The following ATP8A2 variants were observed in gnomAD, a reference collection of about 807,000 sequenced individuals.
ATP8A2 encodes phospholipid-transporting ATPase IB.
ATP8A2 carries 100 observed loss-of-function variants against 165.6 expected under a neutral mutation model. That is an observed-to-expected ratio of 0.60 (90% confidence interval 0.51 to 0.71). ATP8A2 has a LOEUF of 0.71. Among genes scored for constraint, ATP8A2 ranks in the 30% least tolerant of loss-of-function variants. The pLI is 0.00. For synonymous variants in ATP8A2, 543 were observed against 548.8 expected (o/e 0.99, Z 0.15); for missense variants, 1,227 against 1,479.5 (o/e 0.83, Z 2.80).
At chr13:25,939,039 C>T (rs746839618) in intron 33 of ATP8A2, among the ~76,000 whole-genome samples, 6 of 151,958 alleles carry the variant, frequency 3.9e-5, no homozygotes, top group Non-Finnish European at 5.9e-5. Flanking sequence ...GATGGGGTTT[C>T]GCCATGTTGG....
chr13:25,850,774 C>T (rs1566201518), intron 30 of ATP8A2, among the ~76,000 whole-genome samples: 1 of 152,212 alleles, frequency 6.6e-6, no homozygotes, highest in South Asian at 2.1e-4. Context: ...ACTGGACAAT[C>T]GAATGGGGCT....
At chr13:25,476,531 C>G (rs908031106) in intron 2 of ATP8A2, among the ~76,000 whole-genome samples, 2 of 152,176 alleles carry the variant, frequency 1.3e-5, no homozygotes, top group Non-Finnish European at 2.9e-5. Flanking sequence ...CTCAAGTGAT[C>G]CATCTGCCCT....
chr13:25,480,452 C>T (rs1293316767), intron 2 of ATP8A2, among the ~76,000 whole-genome samples: 30 of 148,624 alleles, frequency 2.0e-4, no homozygotes, highest in Non-Finnish European at 3.0e-5. Flanking sequence ...GGCGGCTGGG[C>T]AGAGACGCTC....
In ATP8A2 at chr13:25,747,732, C is replaced by T. The variant is rs115445076; in HGVS notation, c.2385-21314C>T. Among the ~76,000 whole-genome samples the T allele has an allele frequency of 8.5e-3, 1,295 of 152,160 alleles. 22 individuals are homozygous for T. Among genetic ancestry groups the T allele is most frequent in the African/African-American group, 0.03 (1,245 of 41,492 alleles). ...ATTTCATTTAACCTTTAAAATCCCC[C>T]GAAGTATGGATCAGCTCCATTTTAC... On this transcript the variant is annotated intron_variant, in intron 25 of 36. Transcript: ENST00000381655.
intron 2 of ATP8A2, among the ~76,000 whole-genome samples, chr13:25,490,721 TTTTTG>T (rs1215648339): frequency 1.3e-4 from 1 of 7,602 alleles, no homozygotes; most frequent in Non-Finnish European, 5.1e-4. Flanking sequence ...CTAATTAGTT[TTTTTG>T]TTTTTTTTTT....
intron 33 of ATP8A2, among the ~76,000 whole-genome samples, chr13:25,895,915 C>T (rs1398628469): frequency 6.6e-6 from 1 of 150,986 alleles, no homozygotes; most frequent in African/African-American, 2.4e-5. Flanking sequence ...CCATTTGATT[C>T]TTCTCTCTCT....
chr13:25,497,836 C>T (rs1026918747), intron 2 of ATP8A2, among the ~76,000 whole-genome samples: 1 of 151,984 alleles, frequency 6.6e-6, no homozygotes, highest in African/African-American at 2.4e-5. Context: ...GGGGCAGGCA[C>T]CTGTAGTCCC....
intron 23 of ATP8A2, among the ~76,000 whole-genome samples, chr13:25,588,766 G>A (rs537888702): frequency 8.5e-5 from 13 of 152,284 alleles, no homozygotes; most frequent in African/African-American, 2.9e-4. Context: ...AGCACAAGTC[G>A]TCGCTAACCC....
At chr13:25,755,298 A>G (rs1329654791) in intron 25 of ATP8A2, among the ~76,000 whole-genome samples, 1 of 152,146 alleles carries the variant, frequency 6.6e-6, no homozygotes, top group African/African-American at 2.4e-5. Context: ...GGACAAAGCT[A>G]CAGAAAGGGA....
chr13:25,886,334 G>T (rs1953153361), intron 33 of ATP8A2, among the ~76,000 whole-genome samples: 1 of 152,176 alleles, frequency 6.6e-6, no homozygotes, highest in African/African-American at 2.4e-5. Context: ...CTTAACTCTT[G>T]TTCTGAAAGA....
At chr13:25,799,012 C>A (rs1950557928) in intron 27 of ATP8A2, among the ~76,000 whole-genome samples, 2 of 151,262 alleles carry the variant, frequency 1.3e-5, no homozygotes, top group Admixed American at 1.3e-4. Flanking sequence ...ATTGACAGAA[C>A]AAATTAACAG....
intron 35 of ATP8A2, among the ~76,000 whole-genome samples, chr13:25,972,831 C>T (rs921118099): frequency 2.0e-5 from 3 of 151,932 alleles, no homozygotes; most frequent in South Asian, 2.1e-4. Context: ...CAATATAAAC[C>T]GATGACGGCG....
intron 25 of ATP8A2, among the ~76,000 whole-genome samples, chr13:25,763,939 T>G (rs1325182520): frequency 6.6e-6 from 1 of 152,212 alleles, no homozygotes; most frequent in Non-Finnish European, 1.5e-5. Flanking sequence ...CACATGTTTG[T>G]ATATCTATCT....
rs541685483 is a variant in ATP8A2, at chr13:25,378,751, C to T, written c.76+6463C>T. Among the ~76,000 whole-genome samples, 183 of 152,302 alleles carry T rather than the reference C, an allele frequency of 1.2e-3. 1 individual carries two copies. The highest frequency in any genetic ancestry group is 2.4e-3 in the Non-Finnish European group (160 of 68,032). On this transcript the variant is annotated intron_variant, in intron 1 of 36. Transcript: ENST00000381655. The stretch of plus-strand genomic sequence containing the variant: ...ATAACTGACAGCACTTGGCTGTCTC[C>T]GGCCCTGCTGTCCTAGCTACTCTGC...
At chr13:25,474,115 G>A (rs1566162279) in intron 2 of ATP8A2, among the ~76,000 whole-genome samples, 1 of 152,156 alleles carries the variant, frequency 6.6e-6, no homozygotes, top group Admixed American at 6.5e-5. Context: ...TCAGGTGGGC[G>A]TTTTAGCTAG....
chr13:25,770,819 C>T (rs1040198301), intron 26 of ATP8A2, among the ~76,000 whole-genome samples: 3 of 152,160 alleles, frequency 2.0e-5, no homozygotes, highest in Non-Finnish European at 4.4e-5. Context: ...TGTGTTTCTA[C>T]GGTGTTGAGG....
intron 1 of ATP8A2, among the ~76,000 whole-genome samples, chr13:25,429,886 G>A (rs1214168351): frequency 3.3e-5 from 5 of 152,166 alleles, no homozygotes; most frequent in African/African-American, 7.2e-5. Context: ...TCAGCAGGGT[G>A]CAGTGGTCCA....
At chr13:26,010,265 T>C (rs1956818769) in intron 35 of ATP8A2, among the ~76,000 whole-genome samples, 1 of 152,176 alleles carries the variant, frequency 6.6e-6, no homozygotes, top group African/African-American at 2.4e-5. Context: ...ATTTCAATGA[T>C]CCCTCCCATT....
rs144190261 is a variant in ATP8A2 at position 25,539,167 on chromosome 13, G to A, written c.581+1106G>A. 3.1e-4 allele frequency among the ~76,000 whole-genome samples: 47 copies of A among 151,406 alleles called. No homozygotes were observed. The East Asian group carries it at 4.9e-3, about 16-fold the overall frequency. ...GCTGGAGTGCAGTGGCTCAATCATA[G>A]CTCACTGTAAGTTCAAACTCCTGGG... On this transcript the variant is annotated intron_variant, in intron 7 of 36. Transcript: ENST00000381655.
Sources: gnomAD v4.1 joint callset for allele counts (sites outside exome capture counted in the v4.1 genomes callset) on GRCh38, gnomAD v4.1.1 for gene constraint, MANE v1.5 for transcripts, NCBI Gene and HGNC (gene_info 2026-07-23, HGNC 2026-07-21) for gene names.